Variants in PCDHGB6 observed in about 807,000 individuals in gnomAD.
The protein encoded by PCDHGB6 is protocadherin gamma subfamily B, 6.
PCDHGB6 carries 51 observed loss-of-function variants against 59.1 expected under a neutral mutation model. That is an observed-to-expected ratio of 0.86 (90% CI 0.69 to 1.09). PCDHGB6 has a LOEUF of 1.09. Among genes scored for constraint, PCDHGB6 ranks in the 50% least tolerant of loss-of-function variants. The probability of loss-of-function intolerance (pLI) is 0.00; values close to 1 mark genes in which losing one functional copy is unlikely to be tolerated. For synonymous variants in PCDHGB6, 466 were observed against 495.1 expected, an observed-to-expected ratio of 0.94 and a Z score of 0.78; for missense variants, 1,148 against 1,205.1, an observed-to-expected ratio of 0.95 and a Z score of 0.70.
chr5:141,482,661 T>A (rs1215403061), intron 1 of PCDHGB6, among the ~76,000 whole-genome samples: 2 of 151,742 alleles, frequency 1.3e-5, no homozygotes, highest in African/African-American at 4.9e-5. Flanking sequence ...TGAGCTATGA[T>A]CTAAAGGTTG....
chr5:141,434,861 T>C (rs1157640770), intron 1 of PCDHGB6, among the ~76,000 whole-genome samples: 1 of 151,998 alleles, frequency 6.6e-6, no homozygotes, highest in Non-Finnish European at 1.5e-5. Context: ...TAAATTTATA[T>C]ATATGTGACA....
At chr5:141,415,700 A>G (rs1213224503) in intron 1 of PCDHGB6, 1 of 1,515,570 alleles carries the variant, frequency 6.6e-7, no homozygotes, top group East Asian at 2.5e-5. Flanking sequence ...GAAAGTGTAA[A>G]TGCTAAAACA....
intron 1 of PCDHGB6, chr5:141,419,610 C>G: frequency 1.9e-6 from 3 of 1,612,130 alleles, no homozygotes; most frequent in Middle Eastern, 1.8e-4. Flanking sequence ...GCCGCGCAGC[C>G]AGGCTACCTG....
At chr5:141,414,099 A>C in intron 1 of PCDHGB6, 3 of 1,593,504 alleles carry the variant, frequency 1.9e-6, no homozygotes, top group Non-Finnish European at 8.5e-7. Flanking sequence ...TAAAAATATC[A>C]GAAAATCTAG....
At position 141,485,240 on chromosome 5, in the gene PCDHGB6, C is replaced by G; in HGVS notation, c.2419-9567C>G. On this transcript the variant is annotated intron_variant, in intron 1 of 3. Coordinates refer to ENST00000520790, the MANE Select transcript of PCDHGB6 (RefSeq NM_018926.3). This position sits in a 1 kb window ranked among gnomAD's most constrained non-coding sequence, Gnocchi z 5.7. The stretch of plus-strand genomic sequence containing the variant: ...GGCTACCCTTTTGTTCCTCTTTTAC[C>G]ACCTGGGTTACGTTTGTGGGCAGAT... The G allele has an allele frequency of 6.2e-7, 1 of 1,614,174 alleles. No individual in the cohort carries two copies. The highest frequency in any genetic ancestry group is 8.5e-7 in the Non-Finnish European group (1 of 1,180,024).
chr5:141,477,898 AG>A lies in PCDHGB6; in HGVS notation c.2419-16907del. The stretch of plus-strand genomic sequence containing the variant: ...CTGGCCACCTAGTGTCACGGGTGGT[AG>A]GCTGGGACGCGGATGCAGGGCACAA... On this transcript the variant is annotated intron_variant, in intron 1 of 3. Coordinates refer to ENST00000520790, the MANE Select transcript of PCDHGB6 (RefSeq NM_018926.3). The surrounding 1 kb of genome is among the most constrained non-coding windows in gnomAD (Gnocchi z 4.9). The A allele has an allele frequency of 6.2e-7, 1 of 1,614,158 alleles. No individual in the cohort carries two copies. Among genetic ancestry groups the A allele is most frequent in the Non-Finnish European group, 8.5e-7 (1 of 1,180,036 alleles).
intron 1 of PCDHGB6, chr5:141,416,921 G>C (rs985660835): frequency 6.6e-6 from 1 of 151,994 alleles, no homozygotes; most frequent in Non-Finnish European, 1.5e-5. Flanking sequence ...TAGGGTCATA[G>C]TTATTAACTA....
At chr5:141,475,815 C>T (rs2099373124) in intron 1 of PCDHGB6, 1 of 340,648 alleles carries the variant, frequency 2.9e-6, no homozygotes, top group Non-Finnish European at 5.3e-6. Flanking sequence ...AAGTGAAGTT[C>T]CTGGCGCTAG....
intron 2 of PCDHGB6, among the ~76,000 whole-genome samples, chr5:141,497,076 C>T (rs1052240279): frequency 5.9e-5 from 9 of 151,826 alleles, no homozygotes; most frequent in Non-Finnish European, 8.8e-5. Context: ...GTAATCCCAG[C>T]GACTTAGGAG....
chr5:141,415,494 C>T lies in PCDHGB6; in HGVS notation c.2418+4874C>T, dbSNP rs377609539. 2.5e-6 allele frequency: 4 copies of T among 1,614,110 alleles called. No homozygotes were observed. The African/African-American group carries it at 4.0e-5, about 16-fold the overall frequency. ...CGGACTCGCGAAAGAGTCACCTGAT[C>T]TTCCCCCAGCCCAATTATGCGGACA... On this transcript the variant is annotated intron_variant, in intron 1 of 3. Transcript: ENST00000520790.
At chr5:141,417,001 A>G (rs1590037654) in intron 1 of PCDHGB6, 1 of 150,924 alleles carries the variant, frequency 6.6e-6, no homozygotes, top group African/African-American at 2.5e-5. Context: ...TTCATCTCAA[A>G]TAATTCTATT....
rs930695301 is a variant in PCDHGB6, at chr5:141,472,874, T to C, written c.2419-21933T>C. On this transcript the variant is annotated intron_variant, in intron 1 of 3. Coordinates refer to ENST00000520790, the MANE Select transcript of PCDHGB6 (RefSeq NM_018926.3). ...GGTGGCACATGCCTGTATTCCCAGC[T>C]ACTCGGGAGGCTGAGGCAGGAGAAT... Among the ~76,000 whole-genome samples, 5 of 150,448 alleles carry C rather than the reference T, an allele frequency of 3.3e-5. No homozygotes were observed. In the Admixed American group the frequency reaches 3.3e-4, roughly 10 times the overall value.
chr5:141,418,804 T>A, intron 1 of PCDHGB6: 2 of 1,613,836 alleles, frequency 1.2e-6, no homozygotes, highest in Non-Finnish European at 1.7e-6. Flanking sequence ...TAGAAAGATA[T>A]ACGATAAACA....
rs769249726 is a variant in PCDHGB6 at position 141,490,832 on chromosome 5, A to C, written c.2419-3975A>C. On this transcript the variant is annotated intron_variant, in intron 1 of 3. Transcript: ENST00000520790. This position sits in a 1 kb window ranked among gnomAD's most constrained non-coding sequence, Gnocchi z 5.4. Reference sequence around the variant, plus strand: ...GACTATGAATTGCTGCAGATGCTGCAGATTGTGGTGGGGGTTCGAGACTCC... The same window carrying C: ...GACTATGAATTGCTGCAGATGCTGCCGATTGTGGTGGGGGTTCGAGACTCC... 1.5e-5 allele frequency: 25 copies of C among 1,613,796 alleles called. No individual in the cohort carries two copies. In the South Asian group the frequency reaches 2.6e-4, roughly 17 times the overall value.
rs1561857042 is a variant in PCDHGB6, at chr5:141,432,038, C to CG, written c.2418+21422dup. 3 of 1,614,190 alleles carry CG rather than the reference C, an allele frequency of 1.9e-6. No individual in the cohort carries two copies. The highest frequency in any genetic ancestry group is 2.5e-6 in the Non-Finnish European group (3 of 1,180,032). Reference sequence around the variant, plus strand: ...CAACATCACAGTGACCGCCACTGACCGGGGAACCCCGCCCCTATCCACGGA... The same window carrying CG: ...CAACATCACAGTGACCGCCACTGACCGGGGGAACCCCGCCCCTATCCACGGA... On this transcript the variant is annotated intron_variant, in intron 1 of 3. Transcript: ENST00000520790. The surrounding 1 kb of genome is among the most constrained non-coding windows in gnomAD (Gnocchi z 6.0).
chr5:141,414,463 G>T, intron 1 of PCDHGB6: 1 of 1,613,932 alleles, frequency 6.2e-7, no homozygotes. Flanking sequence ...GACAGCCACA[G>T]ATGGGGGAAG....
At chr5:141,420,546 G>A in intron 1 of PCDHGB6, 1 of 284,254 alleles carries the variant, frequency 3.5e-6, no homozygotes, top group South Asian at 1.2e-4. Context: ...ATAAAATACA[G>A]GTATATTTTT....
At chr5:141,507,896 G>A (rs1457319438) in intron 3 of PCDHGB6, among the ~76,000 whole-genome samples, 1 of 152,210 alleles carries the variant, frequency 6.6e-6, no homozygotes, top group African/African-American at 2.4e-5. Flanking sequence ...GGTTCCTGAA[G>A]TCCAGCCCAG....
chr5:141,474,993 C>A (rs1313232385), intron 1 of PCDHGB6, among the ~76,000 whole-genome samples: 24 of 152,324 alleles, frequency 1.6e-4, no homozygotes. Context: ...GACAACAATT[C>A]TAAATGCAGA....
Sources: gnomAD v4.1 joint callset for allele counts (sites outside exome capture counted in the v4.1 genomes callset) on GRCh38, gnomAD v4.1.1 for gene constraint, Gnocchi (gnomAD v3.1) non-coding constraint, MANE v1.5 for transcripts, NCBI Gene and HGNC (gene_info 2026-07-23, HGNC 2026-07-21) for gene names.